The following FAM184A variants were observed in gnomAD, a reference collection of about 807,000 sequenced individuals.
FAM184A encodes family with sequence similarity 184 member A, also known as protein FAM184A.
FAM184A carries 99 observed loss-of-function variants against 143.8 expected under a neutral mutation model. The observed-to-expected ratio is 0.69, with a 90% CI of 0.58 to 0.81. The LOEUF (loss-of-function observed/expected upper bound fraction) is 0.81. Among genes scored for constraint, FAM184A ranks in the 40% least tolerant of loss-of-function variants. The pLI is 0.00. For synonymous variants in FAM184A, 427 were observed against 446.4 expected, an observed-to-expected ratio of 0.96 and a Z score of 0.55; for missense variants, 1,217 against 1,310.5, an observed-to-expected ratio of 0.93 and a Z score of 1.10.
intron 1 of FAM184A, among the ~76,000 whole-genome samples, chr6:119,067,076 A>G (rs1186344879): frequency 6.6e-6 from 1 of 152,098 alleles, no homozygotes; most frequent in Non-Finnish European, 1.5e-5. Context: ...TCATTTACAT[A>G]TTTTTTTTCC....
rs554302864 is a variant in FAM184A at position 119,092,312 on chromosome 6, T to C, written c.-202+56766A>G. On this transcript the variant is annotated intron_variant, in intron 1 of 16. Transcript: ENST00000352896. ...ACCACCACACCTGGCTAATTTCTTA[T>C]TGTTTCTAGAGACAGGGTCTTGCCA... 3.9e-5 allele frequency among the ~76,000 whole-genome samples: 6 copies of C among 152,166 alleles called. No homozygotes were observed. The South Asian group carries it at 1.0e-3, about 26-fold the overall frequency.
At chr6:119,001,228 T>G (rs1374652737) in intron 9 of FAM184A, among the ~76,000 whole-genome samples, 3 of 150,906 alleles carry the variant, frequency 2.0e-5, no homozygotes, top group Admixed American at 6.6e-5. Context: ...TCTTCAGGCA[T>G]AGACAATCCT....
chr6:119,043,273 G>A (rs1352429026), intron 1 of FAM184A, among the ~76,000 whole-genome samples: 1 of 152,184 alleles, frequency 6.6e-6, no homozygotes, highest in Non-Finnish European at 1.5e-5. Flanking sequence ...CACAGGCATT[G>A]GCTCACCTGT....
intron 1 of FAM184A, among the ~76,000 whole-genome samples, chr6:119,145,878 G>T (rs956037040): frequency 1.4e-4 from 21 of 152,146 alleles, no homozygotes; most frequent in African/African-American, 4.8e-4. Context: ...GCAAAAACAT[G>T]ATTTTTACAG....
intron 1 of FAM184A, among the ~76,000 whole-genome samples, chr6:119,047,840 A>C (rs1166644443): frequency 6.6e-6 from 1 of 152,186 alleles, no homozygotes; most frequent in Non-Finnish European, 1.5e-5. Flanking sequence ...CTATTCCATA[A>C]AATTGAGGAG....
chr6:118,971,751 C>T (rs1322490466), intron 14 of FAM184A, among the ~76,000 whole-genome samples: 5 of 152,186 alleles, frequency 3.3e-5, no homozygotes, highest in African/African-American at 1.2e-4. Flanking sequence ...TAGAACTCAT[C>T]ACCACTTCTA....
At chr6:118,986,706 TAAAG>T (rs1267782953) in intron 9 of FAM184A, among the ~76,000 whole-genome samples, 1 of 152,232 alleles carries the variant, frequency 6.6e-6, no homozygotes, top group East Asian at 1.9e-4. Flanking sequence ...GTACAACTGT[TAAAG>T]AAAATGTGAC....
chr6:119,068,769 C>T (rs1787566523), intron 1 of FAM184A, among the ~76,000 whole-genome samples: 1 of 152,134 alleles, frequency 6.6e-6, no homozygotes, highest in Non-Finnish European at 1.5e-5. Flanking sequence ...CCGCTCTACC[C>T]CCCAGCCAAA....
At chr6:119,106,910 T>C (rs1006687645) in intron 1 of FAM184A, among the ~76,000 whole-genome samples, 15 of 152,196 alleles carry the variant, frequency 9.9e-5, no homozygotes, top group Admixed American at 8.5e-4. Context: ...AAGACAGAGA[T>C]TGGTAATTAG....
chr6:118,972,447 C>T (rs1394454229), intron 14 of FAM184A, among the ~76,000 whole-genome samples: 1 of 151,930 alleles, frequency 6.6e-6, no homozygotes, highest in South Asian at 2.1e-4. Flanking sequence ...GAGTAAACAC[C>T]TAAAGCTAGG....
chr6:119,091,461 T>G (rs568764678), intron 1 of FAM184A, among the ~76,000 whole-genome samples: 1 of 152,220 alleles, frequency 6.6e-6, no homozygotes, highest in African/African-American at 2.4e-5. Flanking sequence ...TTCCAACATT[T>G]TATCAGTTCA....
chr6:118,985,516 C>T (rs1784164502), intron 9 of FAM184A, among the ~76,000 whole-genome samples: 1 of 152,190 alleles, frequency 6.6e-6, no homozygotes, highest in South Asian at 2.1e-4. Context: ...TTCAAAGTGG[C>T]ATTTATAAGG....
chr6:119,073,668 A>AT (rs1362945529), intron 1 of FAM184A, among the ~76,000 whole-genome samples: 1 of 152,188 alleles, frequency 6.6e-6, no homozygotes, highest in Non-Finnish European at 1.5e-5. Context: ...TCCCACACCT[A>AT]AAGCCTAGGG....
At chr6:118,970,009 T>TATATATATATATATATATA (rs1491454245) in intron 14 of FAM184A, among the ~76,000 whole-genome samples, 2 of 23,274 alleles carry the variant, frequency 8.6e-5, no homozygotes, top group Non-Finnish European at 1.6e-4. Flanking sequence ...TATATATATA[T>TATATATATATATATATATA]TTTTTTTTTT....
intron 9 of FAM184A, among the ~76,000 whole-genome samples, chr6:118,995,888 C>A (rs1013518174): frequency 6.6e-6 from 1 of 152,198 alleles, no homozygotes; most frequent in Admixed American, 6.5e-5. Flanking sequence ...TCCTGGGCTG[C>A]AGCACCTCTG....
In FAM184A at chr6:119,091,527, C is replaced by A. The variant is rs144093520; in HGVS notation, c.-202+57551G>T. ...GAACAGTGGATCCCATAGTCTTGTG[C>A]CCATGTTGTCTTGTTGTGCCTCCTT... On this transcript the variant is annotated intron_variant, in intron 1 of 16. Coordinates refer to the FAM184A transcript ENST00000352896. 3.0e-3 allele frequency among the ~76,000 whole-genome samples: 462 copies of A among 152,270 alleles called. 3 individuals carry two copies. The highest frequency in any genetic ancestry group is 0.011 in the African/African-American group (445 of 41,548).
chr6:119,075,427 C>G (rs1787837790), intron 1 of FAM184A, among the ~76,000 whole-genome samples: 1 of 152,064 alleles, frequency 6.6e-6, no homozygotes, highest in African/African-American at 2.4e-5. Flanking sequence ...AAAATAGGTA[C>G]TATCATCCCT....
chr6:119,101,273 C>T (rs1041797905), intron 1 of FAM184A, among the ~76,000 whole-genome samples: 7 of 151,834 alleles, frequency 4.6e-5, no homozygotes, highest in African/African-American at 1.7e-4. Flanking sequence ...GGTTTCTCCA[C>T]GTTGGTCAGA....
In FAM184A at chr6:119,011,183, T is replaced by G. The variant is rs984714764; in HGVS notation, c.1653+126A>C. 3 of 784,768 alleles carry G rather than the reference T, an allele frequency of 3.8e-6. No homozygotes were observed. In the African/African-American group the frequency reaches 5.5e-5, roughly 14 times the overall value. 48.6% of individuals were successfully genotyped at this position (784,768 alleles called of 1,614,324 possible). ...ATGAAAAATTCAACACCAATTAAAGTTTTTAAATTATTTTTATTCTAGATA... is the reference window on the plus strand; with the variant it reads ...ATGAAAAATTCAACACCAATTAAAGGTTTTAAATTATTTTTATTCTAGATA... On this transcript the variant is annotated intron_variant, in intron 6 of 17. Transcript: ENST00000338891.
Sources: gnomAD v4.1 joint callset for allele counts (sites outside exome capture counted in the v4.1 genomes callset) on GRCh38, gnomAD v4.1.1 for gene constraint, MANE v1.5 for transcripts, NCBI Gene and HGNC (gene_info 2026-07-23, HGNC 2026-07-21) for gene names.